The following COP1 variants were observed in gnomAD, a reference collection of about 807,000 sequenced individuals.
The protein encoded by COP1 is COP1 E3 ubiquitin ligase.
Under a neutral mutation model 101.3 loss-of-function variants are expected in COP1, and 24 were observed. The observed-to-expected ratio is 0.24, with a 90% CI of 0.17 to 0.33. COP1 has a LOEUF of 0.33. Ranked by LOEUF, COP1 falls within the 10% of genes least tolerant of loss-of-function variation. COP1 has a pLI of 1.00. For synonymous variants in COP1, 347 were observed against 341.9 expected (o/e 1.01, Z -0.17); for missense variants, 663 against 906.2 (o/e 0.73, Z 3.45).
chr1:176,070,443 CCT>C (rs894804217), intron 11 of COP1, among the ~76,000 whole-genome samples: 1 of 151,616 alleles, frequency 6.6e-6, no homozygotes, highest in Non-Finnish European at 1.5e-5. Context: ...TGGGTGGATC[CCT>C]GAGGTCAGGA....
intron 6 of COP1, among the ~76,000 whole-genome samples, chr1:176,146,208 G>A (rs753577287): frequency 6.6e-6 from 1 of 152,130 alleles, no homozygotes; most frequent in Non-Finnish European, 1.5e-5. Context: ...AATTTGCACA[G>A]AGAAGACTGG....
rs1165280945 is a variant in COP1, at chr1:176,206,881, G to T, written c.98C>A (p.Ser33Tyr). The part of the protein sequence containing the change: ...SVTSASSSLS[S>Y]SPSPPSVAVS... Reference sequence around the variant, plus strand: ...CGCCACGGAAGGCGGCGACGGGGAAGAGGATAAAGACGAGGAGGCGGAAGT... The same window carrying T: ...CGCCACGGAAGGCGGCGACGGGGAATAGGATAAAGACGAGGAGGCGGAAGT... Residue 33 changes from serine to tyrosine, a missense_variant, in exon 1 of 20, where the codon TCT (serine) becomes TAT (tyrosine). Physicochemically the swap from Ser to Tyr is moderately radical, Grantham distance 144. Transcript: ENST00000367669. 14 of 1,448,304 alleles carry T rather than the reference G, an allele frequency of 9.7e-6. No homozygotes were observed. The highest frequency in any genetic ancestry group is 1.2e-5 in the Non-Finnish European group (13 of 1,104,624). The allele number at this position is 1,448,304 out of a possible 1,614,324, so 89.7% of individuals were successfully genotyped here.
In COP1 at chr1:176,184,692, G is replaced by A. The variant is rs1276889663; in HGVS notation, c.408C>T (p.Cys136=). The A allele has an allele frequency of 1.3e-6, 2 of 1,597,564 alleles. No homozygotes were observed. The highest frequency in any genetic ancestry group is 2.2e-5 in the East Asian group (1 of 44,610). ...CTTCAATCATATCAAAGCAGATGGG[G>A]CTAAAAAGAAAAGAAAAATAATTGA... ...SYEDKSNDFV[C]PICFDMIEEA... is the part of the protein sequence containing the mutation. The change falls in exon 2 of 20, where the codon TGC becomes TGT. Residue 136 remains cysteine, a splice_region_variant and synonymous_variant. Coordinates refer to ENST00000367669, the MANE Select transcript of COP1 (RefSeq NM_022457.7).
In COP1 at chr1:176,011,370, A is replaced by G. The variant is rs553001603; in HGVS notation, c.1729+16202T>C. On this transcript the variant is annotated intron_variant, in intron 15 of 19. Coordinates refer to ENST00000367669, the MANE Select transcript of COP1 (RefSeq NM_022457.7). ...AACTAAACCAATGAATAATCTACAA[A>G]TATGTATGGTGTAGTAAGTAGAAAT... 9.2e-5 allele frequency among the ~76,000 whole-genome samples: 14 copies of G among 152,340 alleles called. 1 individual carries two copies. The South Asian group carries it at 1.9e-3, about 20-fold the overall frequency.
chr1:176,190,505 A>T (rs1256539909), intron 1 of COP1, among the ~76,000 whole-genome samples: 1 of 145,870 alleles, frequency 6.9e-6, no homozygotes, highest in Non-Finnish European at 1.5e-5. Context: ...TTGCCAAAAG[A>T]TAATGTATGT....
At chr1:176,133,288 A>C (rs1689250759) in intron 8 of COP1, among the ~76,000 whole-genome samples, 1 of 151,496 alleles carries the variant, frequency 6.6e-6, no homozygotes, top group Non-Finnish European at 1.5e-5. Context: ...ACGTATGTAC[A>C]CATATATATG....
intron 9 of COP1, among the ~76,000 whole-genome samples, chr1:176,091,412 G>A (rs1681278924): frequency 6.6e-6 from 1 of 151,478 alleles, no homozygotes; most frequent in Admixed American, 6.6e-5. Flanking sequence ...GACACCAACT[G>A]GAAGATCTGA....
chr1:176,046,160 T>G (rs745748433), intron 12 of COP1, 21 bp downstream of exon 12: 14 of 1,584,730 alleles, frequency 8.8e-6, no homozygotes, highest in Non-Finnish European at 1.1e-5. Flanking sequence ...CTGCATCATG[T>G]CAAGAAAATA....
At chr1:176,164,854 A>G (rs1303888781) in intron 3 of COP1, among the ~76,000 whole-genome samples, 1 of 152,160 alleles carries the variant, frequency 6.6e-6, no homozygotes, top group African/African-American at 2.4e-5. Flanking sequence ...TTTTTTAAAA[A>G]GGGAAACTAC....
At chr1:176,028,500 G>C (rs1373892987) in intron 14 of COP1, among the ~76,000 whole-genome samples, 3 of 149,600 alleles carry the variant, frequency 2.0e-5, no homozygotes, top group African/African-American at 7.4e-5. Flanking sequence ...AGGAGGCAGA[G>C]GTTGCAGTGA....
intron 18 of COP1, among the ~76,000 whole-genome samples, chr1:175,951,091 C>CA (rs1321485432): frequency 1.3e-5 from 2 of 151,192 alleles, no homozygotes; most frequent in Non-Finnish European, 3.0e-5. Flanking sequence ...ACTAAAAATA[C>CA]AAAAAAAATT....
intron 6 of COP1, 44 bp downstream of exon 6, chr1:176,148,962 C>T: frequency 8.0e-7 from 1 of 1,244,240 alleles, no homozygotes; most frequent in East Asian, 2.5e-5. Flanking sequence ...GAACAGTTAA[C>T]AATAGTAAAT....
chr1:176,105,139 T>C (rs1684092156), intron 9 of COP1, among the ~76,000 whole-genome samples: 2 of 152,102 alleles, frequency 1.3e-5, no homozygotes, highest in South Asian at 4.1e-4. Flanking sequence ...AGAAGGTAAG[T>C]AGAAATGGAG....
intron 18 of COP1, among the ~76,000 whole-genome samples, chr1:175,977,992 A>T (rs1412386047): frequency 2.0e-5 from 3 of 152,162 alleles, no homozygotes; most frequent in African/African-American, 7.2e-5. Flanking sequence ...AAACATTAGA[A>T]ACCAAACTCA....
At chr1:176,063,047 G>GTTTTTTTTTTT (rs34464104) in intron 11 of COP1, among the ~76,000 whole-genome samples, 7 of 90,590 alleles carry the variant, frequency 7.7e-5, no homozygotes, top group African/African-American at 1.3e-4. Context: ...TTTTGAAAAT[G>GTTTTTTTTTTT]TTTTTTTTTT....
intron 15 of COP1, among the ~76,000 whole-genome samples, chr1:175,998,623 C>A (rs1447947192): frequency 6.6e-6 from 1 of 151,936 alleles, no homozygotes; most frequent in Non-Finnish European, 1.5e-5. Context: ...ATTATGAAAT[C>A]TTTCATCTAG....
intron 11 of COP1, among the ~76,000 whole-genome samples, chr1:176,076,884 C>G (rs1678129471): frequency 6.6e-6 from 1 of 152,134 alleles, no homozygotes; most frequent in Non-Finnish European, 1.5e-5. Context: ...TGGATAAATT[C>G]TTGGAAACAC....
chr1:176,004,583 G>A lies in COP1; in HGVS notation c.1730-15104C>T, dbSNP rs151015234. Among the ~76,000 whole-genome samples, 902 of 152,244 alleles carry A rather than the reference G, an allele frequency of 5.9e-3. 12 individuals carry two copies. Among genetic ancestry groups the A allele is most frequent in the African/African-American group, 0.021 (864 of 41,542 alleles). ...TGAAGGGTTGTTGCATTTTGTTGAA[G>A]GCTTTTTCTGCATCTATTGAGATAA... On this transcript the variant is annotated intron_variant, in intron 15 of 19. Transcript: ENST00000367669.
intron 3 of COP1, among the ~76,000 whole-genome samples, chr1:176,173,268 G>A (rs902595929): frequency 1.5e-5 from 2 of 135,440 alleles, no homozygotes; most frequent in African/African-American, 2.7e-5. Context: ...TCAAGATCAT[G>A]CCATTGCACT....
Sources: gnomAD v4.1 joint callset for allele counts (sites outside exome capture counted in the v4.1 genomes callset) on GRCh38, gnomAD v4.1.1 for gene constraint, MANE v1.5 for transcripts, NCBI Gene and HGNC (gene_info 2026-07-23, HGNC 2026-07-21) for gene names.